CTNNA3: variants seen among roughly 807,000 people sequenced by gnomAD.
CTNNA3 encodes the protein catenin alpha-3.
CTNNA3 carries 76 observed loss-of-function variants against 95.7 expected under a neutral mutation model. That is an observed-to-expected ratio of 0.79 (90% CI 0.66 to 0.96). CTNNA3 has a LOEUF of 0.96. Among genes scored for constraint, CTNNA3 ranks in the 40% least tolerant of loss-of-function variants. The pLI, the probability that CTNNA3 is intolerant of heterozygous loss-of-function variation, is 0.00. For missense variants in CTNNA3, 1,191 were observed against 1,089.8 expected, an observed-to-expected ratio of 1.09 and a Z score of -1.31; for synonymous variants, 431 against 374.4, an observed-to-expected ratio of 1.15 and a Z score of -1.74.
intron 7 of CTNNA3, among the ~76,000 whole-genome samples, chr10:66,934,402 C>A (rs1260319442): frequency 6.6e-6 from 1 of 152,044 alleles, no homozygotes; most frequent in African/African-American, 2.4e-5. Context: ...CCTTTATAAA[C>A]CAACACAATT....
intron 15 of CTNNA3, among the ~76,000 whole-genome samples, chr10:66,020,828 T>C (rs193182673): frequency 7.0e-4 from 106 of 152,112 alleles, no homozygotes; most frequent in Non-Finnish European, 1.4e-3. Context: ...CCTGCCACCA[T>C]ACCCAGCTAA....
intron 14 of CTNNA3, among the ~76,000 whole-genome samples, chr10:66,078,436 T>C (rs10996881): frequency 0.24 from 35,726 of 151,716 alleles, 4,248 homozygotes; most frequent in Admixed American, 0.26. Flanking sequence ...TTTCATAAAA[T>C]GACTTCCAGA....
intron 12 of CTNNA3, among the ~76,000 whole-genome samples, chr10:66,376,796 A>G (rs1313584055): frequency 6.6e-6 from 1 of 152,192 alleles, no homozygotes; most frequent in Non-Finnish European, 1.5e-5. Flanking sequence ...GCTAAAAAGT[A>G]AACTATTAAG....
intron 7 of CTNNA3, among the ~76,000 whole-genome samples, chr10:66,970,408 C>T (rs1383383074): frequency 6.6e-6 from 1 of 150,800 alleles, no homozygotes; most frequent in South Asian, 2.1e-4. Flanking sequence ...AACAATTATT[C>T]TTTCCTTCCC....
chr10:66,773,745 C>T (rs1840187244), intron 8 of CTNNA3, among the ~76,000 whole-genome samples: 1 of 152,128 alleles, frequency 6.6e-6, no homozygotes, highest in Non-Finnish European at 1.5e-5. Context: ...ATGTTAATAC[C>T]TTCAGAGCAC....
chr10:66,068,548 A>G (rs984026863), intron 15 of CTNNA3, among the ~76,000 whole-genome samples: 1 of 152,180 alleles, frequency 6.6e-6, no homozygotes, highest in African/African-American at 2.4e-5. Flanking sequence ...TTGGGGTATA[A>G]ATGAATGTAC....
chr10:67,334,051 C>A (rs558935649), intron 5 of CTNNA3: 2 of 152,210 alleles, frequency 1.3e-5, no homozygotes, highest in Middle Eastern at 3.4e-3. Context: ...GCATATTTTA[C>A]AATAAAATAT....
intron 5 of CTNNA3, among the ~76,000 whole-genome samples, chr10:67,341,129 AT>A (rs1842169580): frequency 6.6e-6 from 1 of 152,202 alleles, no homozygotes; most frequent in African/African-American, 2.4e-5. Context: ...CATGGAAAGC[AT>A]AATAATCACA....
intron 7 of CTNNA3, among the ~76,000 whole-genome samples, chr10:67,107,798 C>G (rs943778672): frequency 1.3e-5 from 2 of 152,024 alleles, no homozygotes; most frequent in Admixed American, 6.6e-5. Flanking sequence ...GGAAGGTGCA[C>G]TCGGGTGCAG....
chr10:67,691,313 C>G (rs1323827704), intron 1 of CTNNA3, among the ~76,000 whole-genome samples: 4 of 152,244 alleles, frequency 2.6e-5, no homozygotes, highest in African/African-American at 9.6e-5. Flanking sequence ...CTGGCCACCA[C>G]CCCGTCTGGG....
intron 7 of CTNNA3, among the ~76,000 whole-genome samples, chr10:67,027,231 T>A (rs574771493): frequency 3.0e-4 from 46 of 152,054 alleles, no homozygotes; most frequent in Non-Finnish European, 5.4e-4. Context: ...AAAGGAAGGA[T>A]GAGAGGAGGA....
At chr10:66,467,531 C>G (rs77194014) in intron 11 of CTNNA3, among the ~76,000 whole-genome samples, 1 of 151,920 alleles carries the variant, frequency 6.6e-6, no homozygotes. Context: ...GGTTTAAGAA[C>G]GGGCAAGTGC....
At chr10:67,355,806 A>G (rs1459220389) in intron 5 of CTNNA3, among the ~76,000 whole-genome samples, 1 of 151,994 alleles carries the variant, frequency 6.6e-6, no homozygotes, top group African/African-American at 2.4e-5. Flanking sequence ...TCTTCCCTTT[A>G]TATATTGCAC....
At chr10:66,107,106 G>T (rs1457113185) in intron 13 of CTNNA3, among the ~76,000 whole-genome samples, 5 of 152,068 alleles carry the variant, frequency 3.3e-5, no homozygotes, top group Non-Finnish European at 2.9e-5. Flanking sequence ...TGATTCTCAG[G>T]GATGATGGAA....
intron 5 of CTNNA3, among the ~76,000 whole-genome samples, chr10:67,348,360 A>T (rs929430151): frequency 1.3e-5 from 2 of 152,208 alleles, no homozygotes; most frequent in South Asian, 4.1e-4. Flanking sequence ...GTGAAAACGC[A>T]ACCTACAGAA....
chr10:66,394,392 A>G (rs541694477), intron 11 of CTNNA3, among the ~76,000 whole-genome samples: 1 of 152,128 alleles, frequency 6.6e-6, no homozygotes, highest in South Asian at 2.1e-4. Context: ...GACAAAATAA[A>G]CAAACAGAAA....
intron 1 of CTNNA3, among the ~76,000 whole-genome samples, chr10:67,748,630 T>G (rs989884004): frequency 1.3e-5 from 2 of 152,192 alleles, no homozygotes; most frequent in Non-Finnish European, 2.9e-5. Flanking sequence ...GAAAAACCAG[T>G]ACCAGCCACT....
chr10:67,424,749 T>C (rs1453307512), intron 5 of CTNNA3, among the ~76,000 whole-genome samples: 3 of 152,250 alleles, frequency 2.0e-5, no homozygotes, highest in Admixed American at 1.3e-4. Context: ...ATTTGTCTAA[T>C]TATGCTCATC....
chr10:67,342,165 G>A (rs1012403445), intron 5 of CTNNA3, among the ~76,000 whole-genome samples: 6 of 144,408 alleles, frequency 4.2e-5, no homozygotes, highest in African/African-American at 1.5e-4. Context: ...GCAAAGGCGC[G>A]GTCTCGGCTC....
Sources: allele counts gnomAD v4.1 joint callset (sites outside exome capture counted in the v4.1 genomes callset), GRCh38; gene constraint gnomAD v4.1.1; transcripts MANE v1.5; gene names NCBI Gene and HGNC (gene_info 2026-07-23, HGNC 2026-07-21).